Variants in CYP2C8 observed in about 807,000 individuals in gnomAD.
CYP2C8 encodes the protein cytochrome P450 2C8.
Under a neutral mutation model 41.3 loss-of-function variants are expected in CYP2C8, and 51 were observed. The ratio of observed to expected loss-of-function variants is 1.24; its 90% confidence interval spans 0.99 to 1.56. The LOEUF (loss-of-function observed/expected upper bound fraction) is 1.56. Among genes scored for constraint, CYP2C8 ranks in the 40% most tolerant of loss-of-function variants. CYP2C8 has a pLI of 0.00. For missense variants in CYP2C8, 651 were observed against 579.9 expected (o/e 1.12, Z -1.26); for synonymous variants, 218 against 205.8 (o/e 1.06, Z -0.51).
At chr10:95,055,935 A>G (rs570927583) in intron 5 of CYP2C8, among the ~76,000 whole-genome samples, 3 of 152,134 alleles carry the variant, frequency 2.0e-5, no homozygotes, top group Admixed American at 6.5e-5. Context: ...TACAAAAAAA[A>G]TACAAAAATT....
intron 2 of CYP2C8, 43 bp from the exon 3 acceptor site, chr10:95,067,400 G>A: frequency 6.2e-7 from 1 of 1,614,048 alleles, no homozygotes; most frequent in Non-Finnish European, 8.5e-7. Flanking sequence ...TCACAGCCAA[G>A]GAAGAAAGTG....
chr10:95,067,515 A>T lies in CYP2C8; in HGVS notation c.331+14T>A, dbSNP rs398102371. On this transcript the variant is annotated intron_variant, in intron 2 of 8. Transcript: ENST00000371270. The stretch of plus-strand genomic sequence containing the variant: ...CCCAGTTACCAAAGCTGACACAGAA[A>T]TATGTGCACCTACCAAGTCCTTTAG... 5.6e-6 allele frequency: 9 copies of T among 1,614,146 alleles called. No homozygotes were observed. The highest frequency in any genetic ancestry group is 7.6e-6 in the Non-Finnish European group (9 of 1,180,028).
At chr10:95,043,402 C>T (rs536333093) in intron 6 of CYP2C8, among the ~76,000 whole-genome samples, 13 of 151,912 alleles carry the variant, frequency 8.6e-5, no homozygotes, top group African/African-American at 2.9e-4. Flanking sequence ...GAAAAACAAT[C>T]AAATATGTAT....
rs752917521 is a variant in CYP2C8 at position 95,067,348 on chromosome 10, G to C, written c.341C>G (p.Ser114Cys). 6.2e-7 allele frequency: 1 copy of C among 1,606,964 alleles called. No individual in the cohort carries two copies. Among genetic ancestry groups the C allele is most frequent in the Admixed American group, 1.7e-5 (1 of 59,506 alleles). The change falls in exon 3 of 9, where the codon TCC becomes TGC. Residue 114 changes from serine to cysteine, a missense_variant. Physicochemically the swap from Ser to Cys is moderately radical, Grantham distance 112. Transcript: ENST00000371270. The stretch of plus-strand genomic sequence containing the variant: ...CTCCTTCCATCTCTTTCCATTGCTG[G>C]AAATGATTCCTAATAAAAAAAGGGG... ...QRITKGLGII[S>C]SNGKRWKEIR... is the part of the protein sequence containing the mutation.
intron 5 of CYP2C8, among the ~76,000 whole-genome samples, chr10:95,049,609 A>G (rs1344953320): frequency 1.3e-5 from 2 of 152,160 alleles, no homozygotes; most frequent in Non-Finnish European, 2.9e-5. Context: ...CCGAGTTTCT[A>G]CAAGCCTCAT....
chr10:95,037,430 A>G, intron 8 of CYP2C8, 121 bp from the exon 9 acceptor site: 1 of 802,808 alleles, frequency 1.2e-6, no homozygotes. Flanking sequence ...GATTGGGTAG[A>G]TGAATGAACA....
intron 5 of CYP2C8, among the ~76,000 whole-genome samples, chr10:95,050,566 A>G (rs1456432791): frequency 6.6e-6 from 1 of 152,188 alleles, no homozygotes; most frequent in Non-Finnish European, 1.5e-5. Context: ...ATTGACTCAG[A>G]ACAGAGAGAG....
At chr10:95,052,627 A>G (rs1315349835) in intron 5 of CYP2C8, among the ~76,000 whole-genome samples, 1 of 152,178 alleles carries the variant, frequency 6.6e-6, no homozygotes, top group Non-Finnish European at 1.5e-5. Context: ...CCTGTATGCA[A>G]GGGTGCTTTA....
At chr10:95,063,909 G>T (rs1328548448) in intron 4 of CYP2C8, among the ~76,000 whole-genome samples, 1 of 152,168 alleles carries the variant, frequency 6.6e-6, no homozygotes, top group Non-Finnish European at 1.5e-5. Flanking sequence ...GACCCTGTTT[G>T]CCTGGGTATC....
In CYP2C8 at chr10:95,067,617, C is replaced by T. The variant is rs768908733; in HGVS notation, c.243G>A (p.Glu81=). ...TATCAATCAGGGCTTCCTTCACTGC[C>T]TCATATCCATGAAACACCACTATGG... ...MNPIVVFHGY[E]AVKEALIDNG... Residue 81 remains glutamate (E), a synonymous_variant, in exon 2 of 9, where the codon GAG becomes GAA. Coordinates refer to ENST00000371270, the MANE Select transcript of CYP2C8 (RefSeq NM_000770.3). 1.2e-6 allele frequency: 2 copies of T among 1,614,130 alleles called. No homozygotes were observed. Among genetic ancestry groups the T allele is most frequent in the Admixed American group, 1.7e-5 (1 of 60,006 alleles).
chr10:95,043,879 C>T (rs74150756), intron 6 of CYP2C8, among the ~76,000 whole-genome samples: 8 of 151,748 alleles, frequency 5.3e-5, no homozygotes, highest in Admixed American at 2.0e-4. Context: ...CACACACACA[C>T]ACACACACAT....
chr10:95,053,486 A>G (rs2033249485), intron 5 of CYP2C8, among the ~76,000 whole-genome samples: 1 of 152,188 alleles, frequency 6.6e-6, no homozygotes, highest in South Asian at 2.1e-4. Flanking sequence ...TTGCAGCACT[A>G]TTTACAATAG....
At chr10:95,064,637 G>A (rs2033519676) in intron 4 of CYP2C8, among the ~76,000 whole-genome samples, 163 bp downstream of exon 4, 1 of 152,150 alleles carries the variant, frequency 6.6e-6, no homozygotes, top group African/African-American at 2.4e-5. Flanking sequence ...ATTGGAGGCT[G>A]AAAATTTTGA....
At chr10:95,042,828 C>A (rs1344410792) in intron 7 of CYP2C8, 62 bp downstream of exon 7, 8 of 1,454,010 alleles carry the variant, frequency 5.5e-6, no homozygotes, top group Non-Finnish European at 7.7e-6. Context: ...AGGGTTGGAA[C>A]CAAACCAGCA....
intron 4 of CYP2C8, among the ~76,000 whole-genome samples, chr10:95,060,383 G>T (rs1299299280): frequency 6.6e-6 from 1 of 152,068 alleles, no homozygotes; most frequent in African/African-American, 2.4e-5. Flanking sequence ...GGATTCCTAG[G>T]TATTTTATTC....
intron 6 of CYP2C8, among the ~76,000 whole-genome samples, chr10:95,044,106 C>T (rs2033062903): frequency 1.3e-5 from 2 of 152,164 alleles, no homozygotes; most frequent in South Asian, 4.1e-4. Context: ...AGGAGCACAG[C>T]AGCCTCTCTG....
intron 4 of CYP2C8, among the ~76,000 whole-genome samples, chr10:95,060,078 G>A (rs1229429341): frequency 6.6e-6 from 1 of 152,188 alleles, no homozygotes; most frequent in Non-Finnish European, 1.5e-5. Flanking sequence ...CAGGTAGCCT[G>A]ATGCCTCCAG....
chr10:95,051,657 C>T (rs1012682930), intron 5 of CYP2C8, among the ~76,000 whole-genome samples: 1 of 152,028 alleles, frequency 6.6e-6, no homozygotes, highest in Non-Finnish European at 1.5e-5. Flanking sequence ...ATTAATCCAG[C>T]TTAAGTCAAT....
In CYP2C8 at chr10:95,042,878, A is replaced by G; in HGVS notation, c.1149+12T>C. On this transcript the variant is annotated intron_variant, in intron 7 of 8. Transcript: ENST00000371270. ...GAAGTACAGAAATATAGTGTAAGAG[A>G]AACAAGCTTACCTTGGGGATGAGGT... 2 of 1,610,466 alleles carry G rather than the reference A, an allele frequency of 1.2e-6. No individual in the cohort carries two copies. The highest frequency in any genetic ancestry group is 1.7e-6 in the Non-Finnish European group (2 of 1,176,626).
Sources: allele counts gnomAD v4.1 joint callset (sites outside exome capture counted in the v4.1 genomes callset), GRCh38; gene constraint gnomAD v4.1.1; transcripts MANE v1.5; gene names NCBI Gene and HGNC (gene_info 2026-07-23, HGNC 2026-07-21).